MTF1: variants seen among roughly 807,000 people sequenced by gnomAD.
MTF1 encodes MRE-binding transcription factor.
A neutral mutation model predicts 70.4 loss-of-function variants in MTF1; 22 were observed. The observed-to-expected ratio is 0.31, with a 90% CI of 0.22 to 0.45. The LOEUF is 0.45. Ranked by LOEUF, MTF1 falls within the 20% of genes least tolerant of loss-of-function variation. MTF1 has a pLI of 1.00. For synonymous variants in MTF1, 333 were observed against 352.8 expected (o/e 0.94, Z 0.63); for missense variants, 649 against 922.0 (o/e 0.70, Z 3.83).
At chr1:37,820,633 A>G (rs1251742422) in intron 9 of MTF1, among the ~76,000 whole-genome samples, 1 of 152,272 alleles carries the variant, frequency 6.6e-6, no homozygotes, top group Non-Finnish European at 1.5e-5. Context: ...GAAGGGATGA[A>G]TAAGTGAAGG....
rs766799875 is a variant in MTF1, at chr1:37,815,141, T to G, written c.2257A>C (p.Lys753Gln). ...EEMGLTSSFS[K>Q] ...GGTGAGCACACATGGGCCCTTCACT[T>G]GGAGAAGCTGCTGGTGAGGCCCATC... Residue 753 changes from lysine to glutamine, a missense_variant, in exon 11 of 11, where the codon AAG (lysine) becomes CAG (glutamine). Around this residue, in one of 7 missense-constraint regions of MTF1, gnomAD observed 138 missense variants for 134.4 expected, o/e 1.03. Transcript: ENST00000373036. This position sits in a 1 kb window ranked among gnomAD's most constrained non-coding sequence, Gnocchi z 4.5. 3.7e-6 allele frequency: 6 copies of G among 1,613,824 alleles called. No individual in the cohort carries two copies. The highest frequency in any genetic ancestry group is 5.1e-6 in the Non-Finnish European group (6 of 1,179,904).
chr1:37,843,142 T>C (rs1236453448), intron 2 of MTF1, among the ~76,000 whole-genome samples: 1 of 152,170 alleles, frequency 6.6e-6, no homozygotes, highest in Non-Finnish European at 1.5e-5. Context: ...TCATCTTCCA[T>C]AGTAGCTGGG....
In MTF1 at chr1:37,819,508, A is replaced by G; in HGVS notation, c.1768-2026T>C. On this transcript the variant is annotated intron_variant, in intron 9 of 10. Coordinates refer to ENST00000373036, the MANE Select transcript of MTF1 (RefSeq NM_005955.3). ...TTCGCTCTAGTATACTTCCTATTACATGGGCTAAAAGGTTTCCACTTTCTT... is the reference window on the plus strand; with the variant it reads ...TTCGCTCTAGTATACTTCCTATTACGTGGGCTAAAAGGTTTCCACTTTCTT... Among the ~76,000 whole-genome samples the G allele has an allele frequency of 1.3e-5, 2 of 152,174 alleles. 1 individual carries two copies. Among genetic ancestry groups the G allele is most frequent in the Non-Finnish European group, 2.9e-5 (2 of 68,040 alleles).
At chr1:37,839,800 C>G in intron 3 of MTF1, 120 bp downstream of exon 3, 1 of 773,156 alleles carries the variant, frequency 1.3e-6, no homozygotes, top group Non-Finnish European at 2.1e-6. Context: ...CGTAGTTGAA[C>G]ACAGCTGCGC....
intron 2 of MTF1, among the ~76,000 whole-genome samples, chr1:37,853,437 A>G (rs1469868445): frequency 6.6e-6 from 1 of 152,214 alleles, no homozygotes; most frequent in Non-Finnish European, 1.5e-5. Flanking sequence ...GGCCATGTTC[A>G]TTCTTTATGT....
chr1:37,857,148 T>C, intron 2 of MTF1, 103 bp downstream of exon 2: 4 of 1,166,622 alleles, frequency 3.4e-6, no homozygotes, highest in Non-Finnish European at 3.7e-6. Flanking sequence ...ACTTAAGTCC[T>C]AACCCCATGC....
At chr1:37,859,486 C>G in intron 1 of MTF1, 45 bp downstream of exon 1, 1 of 398,796 alleles carries the variant, frequency 2.5e-6, no homozygotes, top group Non-Finnish European at 4.4e-6. Flanking sequence ...TCCCGCGCCT[C>G]CCGGTAAGTC....
At chr1:37,839,826 A>G (rs915922745) in intron 3 of MTF1, 94 bp downstream of exon 3, 24 of 981,022 alleles carry the variant, frequency 2.4e-5, no homozygotes, top group Middle Eastern at 3.1e-4. Flanking sequence ...TAAAGCCCTG[A>G]AAGTGAAAAC....
In MTF1 at chr1:37,823,745, T is replaced by C; in HGVS notation, c.1136A>G (p.Asp379Gly). The C allele has an allele frequency of 6.2e-7, 1 of 1,614,086 alleles. No individual in the cohort carries two copies. The change falls in exon 8 of 11, where the codon GAT becomes GGT. Residue 379 changes from aspartate (D) to glycine (G), a missense_variant. This residue lies in a region of MTF1 where 267 missense variants were observed against 292.1 expected (regional missense o/e 0.91). Coordinates refer to ENST00000373036, the MANE Select transcript of MTF1 (RefSeq NM_005955.3). ...AGGATCTTCCTGAATTGCCGTATCA[T>C]CTGAATTCTGGAACATTGATTCAAA... The part of the protein sequence containing the change: ...IIFESMFQNS[D>G]DTAIQEDPQQ...
intron 7 of MTF1, among the ~76,000 whole-genome samples, chr1:37,827,397 G>A (rs1268775132): frequency 6.6e-6 from 1 of 151,150 alleles, no homozygotes; most frequent in East Asian, 1.9e-4. Context: ...TCGCTCTGTT[G>A]CCCAGGCTGG....
chr1:37,835,582 A>G (rs1641155840), intron 5 of MTF1, 89 bp downstream of exon 5: 1 of 955,516 alleles, frequency 1.0e-6, no homozygotes, highest in Non-Finnish European at 1.7e-6. Context: ...TACAGGATCT[A>G]TATCTCTGTA....
In MTF1 at chr1:37,835,655, A is replaced by C. The variant is rs1641156935; in HGVS notation, c.853+16T>G. 6.2e-7 allele frequency: 1 copy of C among 1,611,742 alleles called. No individual in the cohort carries two copies. The highest frequency in any genetic ancestry group is 1.1e-5 in the South Asian group (1 of 91,032). On this transcript the variant is annotated intron_variant, in intron 5 of 10. Transcript: ENST00000373036. ...TAGTTACAGGCTTGATGAAACAAAA[A>C]TTGGCCTAAACTCACCAGTATGTGT...
intron 8 of MTF1, 76 bp from the exon 9 acceptor site, chr1:37,822,792 C>A: frequency 1.0e-6 from 1 of 1,000,164 alleles, no homozygotes; most frequent in Non-Finnish European, 1.5e-6. Flanking sequence ...TCATTATGGG[C>A]TAAACAAAAC....
chr1:37,820,408 T>G (rs1640893220), intron 9 of MTF1, among the ~76,000 whole-genome samples: 1 of 152,242 alleles, frequency 6.6e-6, no homozygotes, highest in African/African-American at 2.4e-5. Context: ...GGGATCAATC[T>G]GCTTATGCTT....
chr1:37,835,016 T>C, intron 6 of MTF1, 63 bp downstream of exon 6: 2 of 1,555,802 alleles, frequency 1.3e-6, no homozygotes, highest in Non-Finnish European at 1.8e-6. Context: ...CCTTTGATTG[T>C]GATACACAAA....
At chr1:37,847,340 G>A (rs1641348735) in intron 2 of MTF1, among the ~76,000 whole-genome samples, 1 of 152,172 alleles carries the variant, frequency 6.6e-6, no homozygotes, top group African/African-American at 2.4e-5. Flanking sequence ...TGCTAGTTGT[G>A]TGTTTCTAAG....
At chr1:37,832,711 T>C (rs554901776) in intron 6 of MTF1, among the ~76,000 whole-genome samples, 11 of 152,120 alleles carry the variant, frequency 7.2e-5, no homozygotes, top group Non-Finnish European at 1.3e-4. Flanking sequence ...AAATGATTAA[T>C]AAAGAGTTTT....
At chr1:37,841,946 G>A (rs1342446067) in intron 2 of MTF1, among the ~76,000 whole-genome samples, 1 of 151,994 alleles carries the variant, frequency 6.6e-6, no homozygotes, top group Non-Finnish European at 1.5e-5. Flanking sequence ...GCTGAGGTAA[G>A]ATTGCTTGAG....
chr1:37,823,215 T>C (rs920168220), intron 8 of MTF1, among the ~76,000 whole-genome samples: 4 of 151,816 alleles, frequency 2.6e-5, no homozygotes, highest in Non-Finnish European at 5.9e-5. Flanking sequence ...GCGGGTGGAT[T>C]GCCTAAGCTC....
Sources: allele counts gnomAD v4.1 joint callset (sites outside exome capture counted in the v4.1 genomes callset), GRCh38; gene constraint gnomAD v4.1.1; regional missense constraint gnomAD v4.1.1; non-coding constraint Gnocchi (gnomAD v3.1); transcripts MANE v1.5; gene names NCBI Gene and HGNC (gene_info 2026-07-23, HGNC 2026-07-21).